Variants in LARGE1 observed in about 807,000 individuals in gnomAD.
LARGE1 encodes xylosyl- and glucuronyltransferase LARGE1.
A neutral mutation model predicts 87.6 loss-of-function variants in LARGE1; 43 were observed. The observed-to-expected ratio is 0.49, with a 90% confidence interval of 0.38 to 0.63. LARGE1 has a LOEUF of 0.63. LARGE1 is among the 30% of genes least tolerant of loss of function. The pLI, the probability that LARGE1 is intolerant of heterozygous loss-of-function variation, is 0.00. For missense variants in LARGE1, 802 were observed against 1,000.2 expected, an observed-to-expected ratio of 0.80 and a Z score of 2.67; for synonymous variants, 434 against 394.6, an observed-to-expected ratio of 1.10 and a Z score of -1.18.
At position 33,252,263 on chromosome 22, in the gene LARGE1, C is replaced by T. The variant is rs899350368; in HGVS notation, c.1730+51966G>A. Among the ~76,000 whole-genome samples the T allele has an allele frequency of 1.2e-4, 11 of 91,782 alleles. No individual in the cohort carries two copies. The South Asian group carries it at 2.8e-3, about 24-fold the overall frequency. 60.2% of individuals were successfully genotyped at this position (91,782 alleles called of 152,430 possible). A position where few individuals can be genotyped will look rare whatever the true frequency, so the allele number is the denominator to read the frequency against. On this transcript the variant is annotated intron_variant, in intron 11 of 11. Transcript: ENST00000608642. ...ATAATTCCTTCATTCCCCCCCCCCC[C>T]GCCATTTTAAACTCATTAATATATA...
intron 10 of LARGE1, among the ~76,000 whole-genome samples, chr22:33,333,448 GAA>G (rs1398265039): frequency 6.6e-6 from 1 of 152,184 alleles, no homozygotes. Context: ...GCCCTGAGGA[GAA>G]ACTCCAAGCT....
At chr22:33,283,106 C>A in intron 13 of LARGE1, 96 bp downstream of exon 13, 10 of 1,511,670 alleles carry the variant, frequency 6.6e-6, no homozygotes, top group Non-Finnish European at 7.3e-6. Context: ...CTAAGGCGAG[C>A]GACAAACTTC....
At chr22:33,201,718 T>C (rs1003058234) in intron 11 of LARGE1, among the ~76,000 whole-genome samples, 1 of 152,108 alleles carries the variant, frequency 6.6e-6, no homozygotes, top group Non-Finnish European at 1.5e-5. Context: ...GTCAGAGAAG[T>C]GATAAGGGCC....
intron 2 of LARGE1, chr22:33,733,121 G>A (rs569161510): frequency 2.0e-5 from 3 of 152,308 alleles, no homozygotes; most frequent in African/African-American, 7.2e-5. Flanking sequence ...TAAGCCACTC[G>A]AGGGTGGAAG....
chr22:33,374,884 T>G (rs189129311), intron 9 of LARGE1, among the ~76,000 whole-genome samples: 33 of 152,322 alleles, frequency 2.2e-4, no homozygotes, highest in African/African-American at 7.5e-4. Context: ...TCCCATCAGA[T>G]TTTTAGCCAT....
intron 1 of LARGE1, among the ~76,000 whole-genome samples, chr22:33,886,688 AGGG>A (rs2064858442): frequency 7.1e-6 from 1 of 141,704 alleles, no homozygotes; most frequent in Non-Finnish European, 1.6e-5. Flanking sequence ...AAAAAAAGGA[AGGG>A]AGGGAGGGAA....
At chr22:33,556,843 T>C (rs923591915) in intron 6 of LARGE1, among the ~76,000 whole-genome samples, 2 of 151,642 alleles carry the variant, frequency 1.3e-5, no homozygotes, top group African/African-American at 2.4e-5. Flanking sequence ...CTGTCTCTAG[T>C]AAAATACAAA....
chr22:33,368,784 AATT>A (rs2064693637), intron 9 of LARGE1, among the ~76,000 whole-genome samples: 1 of 152,148 alleles, frequency 6.6e-6, no homozygotes. Context: ...TACATATAAA[AATT>A]ATGTTTAAAC....
At chr22:33,509,376 G>A (rs1168272594) in intron 6 of LARGE1, among the ~76,000 whole-genome samples, 1 of 152,124 alleles carries the variant, frequency 6.6e-6, no homozygotes, top group Non-Finnish European at 1.5e-5. Context: ...CAATTGTCTT[G>A]GAGGTCCCAA....
intron 6 of LARGE1, among the ~76,000 whole-genome samples, chr22:33,529,928 C>G (rs983074174): frequency 2.0e-5 from 3 of 152,164 alleles, no homozygotes. Context: ...TTGGCAGCAG[C>G]GGGAGACTGC....
chr22:33,471,193 C>A lies in LARGE1; in HGVS notation c.788-38928G>T, dbSNP rs117088897. Among the ~76,000 whole-genome samples, 455 of 151,978 alleles carry A rather than the reference C, an allele frequency of 3.0e-3. 2 individuals carry two copies. The highest frequency in any genetic ancestry group is 0.024 in the Middle Eastern group (7 of 294). ...AGGGCACACACTACCATGCCCAGCT[C>A]ATACTTGTATTTTTAGTTGAGATAT... On this transcript the variant is annotated intron_variant, in intron 6 of 14. Coordinates refer to ENST00000397394, the MANE Select transcript of LARGE1 (RefSeq NM_133642.5).
chr22:33,720,060 A>G (rs1181518951), intron 2 of LARGE1, among the ~76,000 whole-genome samples: 3 of 152,302 alleles, frequency 2.0e-5, no homozygotes, highest in South Asian at 2.1e-4. Flanking sequence ...TTTTAGATAC[A>G]TTATATTTAT....
At chr22:33,766,932 A>G (rs1450804123) in intron 1 of LARGE1, among the ~76,000 whole-genome samples, 1 of 15,126 alleles carries the variant, frequency 6.6e-5, no homozygotes, top group Non-Finnish European at 1.2e-4. Context: ...ATATATATAT[A>G]TATATATATA....
chr22:33,305,654 C>T, intron 11 of LARGE1: 1 of 954,074 alleles, frequency 1.0e-6, no homozygotes, highest in Non-Finnish European at 1.2e-6. Context: ...GCACACCTAT[C>T]TTGTTTCAAT....
chr22:33,580,141 G>C (rs372468029), intron 5 of LARGE1, among the ~76,000 whole-genome samples: 6 of 152,004 alleles, frequency 3.9e-5, no homozygotes, highest in Admixed American at 3.9e-4. Flanking sequence ...GAGGCCAAGG[G>C]GGGCAGATCA....
chr22:33,590,926 G>A (rs2148917338), intron 5 of LARGE1, among the ~76,000 whole-genome samples: 1 of 152,314 alleles, frequency 6.6e-6, no homozygotes, highest in African/African-American at 2.4e-5. Context: ...GCCAAGGCCG[G>A]GCGTGGTGGC....
At chr22:33,762,213 CAAAAAAAAAA>C (rs56832457) in intron 1 of LARGE1, among the ~76,000 whole-genome samples, 188 of 84,494 alleles carry the variant, frequency 2.2e-3, no homozygotes, top group Middle Eastern at 6.8e-3. Flanking sequence ...GATTCTATCT[CAAAAAAAAAA>C]AAAAAAAAAA....
At chr22:33,657,936 TG>T (rs1281481905) in intron 2 of LARGE1, among the ~76,000 whole-genome samples, 1 of 147,644 alleles carries the variant, frequency 6.8e-6, no homozygotes, top group Non-Finnish European at 1.5e-5. Context: ...ATTTGACTAA[TG>T]AAAAAAAAAA....
At chr22:33,876,732 G>T (rs967498647) in intron 1 of LARGE1, among the ~76,000 whole-genome samples, 1 of 151,722 alleles carries the variant, frequency 6.6e-6, no homozygotes, top group Admixed American at 6.6e-5. Flanking sequence ...ATGACGGGTC[G>T]ACAGGTGCAG....
Sources: allele counts gnomAD v4.1 joint callset (sites outside exome capture counted in the v4.1 genomes callset), GRCh38; gene constraint gnomAD v4.1.1; transcripts MANE v1.5; gene names NCBI Gene and HGNC (gene_info 2026-07-23, HGNC 2026-07-21).